The following PXN variants were observed in gnomAD, a reference collection of about 807,000 sequenced individuals.
PXN encodes the protein testicular tissue protein Li 134.
In PXN, 61 loss-of-function variants were observed where a neutral mutation model predicts 103.6. That is an observed-to-expected ratio of 0.59 (90% CI 0.48 to 0.73). The LOEUF is 0.73. PXN is among the 30% of genes least tolerant of loss of function. The probability of loss-of-function intolerance (pLI) is 0.00; values close to 1 mark genes in which losing one functional copy is unlikely to be tolerated. For missense variants in PXN, 1,274 were observed against 1,460.3 expected, an observed-to-expected ratio of 0.87 and a Z score of 2.08; for synonymous variants, 562 against 607.8, an observed-to-expected ratio of 0.92 and a Z score of 1.11.
intron 1 of PXN, chr12:120,226,190 T>C: frequency 8.2e-7 from 1 of 1,226,246 alleles, no homozygotes; most frequent in South Asian, 1.4e-5. Flanking sequence ...TCATTTCCTC[T>C]GGGCCCAATC....
Position 120,215,782 on chromosome 12 carries a change from G to T in PXN, c.2302-121C>A. ...AGATCTGAGGGTTTCTCCCCCACCG[G>T]CAGGACCAAAATTGGGGGAAAAAAT... On this transcript the variant is annotated intron_variant, in intron 9 of 14. Coordinates refer to ENST00000637617, the MANE Select transcript of PXN (RefSeq NM_001385981.1). The surrounding 1 kb of genome is among the most constrained non-coding windows in gnomAD (Gnocchi z 4.9). The T allele has an allele frequency of 1.6e-6, 2 of 1,284,698 alleles. No individual in the cohort carries two copies. Among genetic ancestry groups the T allele is most frequent in the Non-Finnish European group, 2.0e-6 (2 of 977,042 alleles). 79.6% of individuals were successfully genotyped at this position (1,284,698 alleles called of 1,614,324 possible).
rs554748398 is a variant in PXN at position 120,223,844 on chromosome 12, G to A, written c.241-11C>T. On this transcript the variant is annotated splice_polypyrimidine_tract_variant and intron_variant, in intron 2 of 14. Transcript: ENST00000637617. ...TGATGAGGACTGAGGCTGCGAGAAG[G>A]AGAATGCTCAGAGGCTACCCCGAGG... The A allele has an allele frequency of 1.3e-6, 2 of 1,568,340 alleles. No individual in the cohort carries two copies. Among genetic ancestry groups the A allele is most frequent in the African/African-American group, 1.3e-5 (1 of 74,092 alleles).
chr12:120,246,514 C>CAAAAAAAAAAAAA (rs139689226), intron 1 of PXN, among the ~76,000 whole-genome samples: 2 of 58,304 alleles, frequency 3.4e-5, no homozygotes, highest in Non-Finnish European at 3.7e-5. Flanking sequence ...GACTCTGTCT[C>CAAAAAAAAAAAAA]AAAAAAAAAA....
Position 120,224,239 on chromosome 12 carries a change from G to T in PXN, c.152C>A (p.Pro51Gln), listed in dbSNP as rs767722707. Residue 51 changes from proline (P) to glutamine (Q), a missense_variant, in exon 2 of 15, where the codon CCA becomes CAA. Coordinates refer to ENST00000637617, the MANE Select transcript of PXN (RefSeq NM_001385981.1). The surrounding 1 kb of genome is among the most constrained non-coding windows in gnomAD (Gnocchi z 5.0). The stretch of plus-strand genomic sequence containing the variant: ...ATTGAGGGCCTCGCTGGACGGGGGT[G>T]GGGGGACGGGGGGTGGCACGGCAAT... ...QEIAVPPPVP[P>Q]PPSSEALNGT... The T allele has an allele frequency of 5.0e-6, 8 of 1,611,464 alleles. No homozygotes were observed. In the East Asian group the frequency reaches 1.6e-4, roughly 31 times the overall value.
chr12:120,251,826 T>TAAAC (rs527641628), intron 1 of PXN, among the ~76,000 whole-genome samples: 1 of 151,812 alleles, frequency 6.6e-6, no homozygotes, highest in Non-Finnish European at 1.5e-5. Context: ...CAAAAATAAA[T>TAAAC]AAACAAACAA....
chr12:120,213,999 CG>C lies in PXN; in HGVS notation c.2831-10del. On this transcript the variant is annotated splice_polypyrimidine_tract_variant and intron_variant, in intron 13 of 14. Coordinates refer to ENST00000637617, the MANE Select transcript of PXN (RefSeq NM_001385981.1). This position sits in a 1 kb window ranked among gnomAD's most constrained non-coding sequence, Gnocchi z 4.2. ...GTCCTTCTCGTGGAACCCTGGGGAG[CG>C]GGGGTTTTGGAGGCACAGTTCATTC... 1 of 1,610,922 alleles carries C rather than the reference CG, an allele frequency of 6.2e-7. No individual in the cohort carries two copies.
Position 120,224,376 on chromosome 12 carries a change from G to A in PXN, c.15C>T (p.Asp5=), listed in dbSNP as rs200236405. 250 of 1,612,822 alleles carry A rather than the reference G, an allele frequency of 1.6e-4. No homozygotes were observed. Among genetic ancestry groups the A allele is most frequent in the South Asian group, 3.1e-4 (28 of 91,076 alleles). Residue 5 remains aspartate (D), a splice_region_variant and synonymous_variant, in exon 2 of 15, where the codon GAC becomes GAT. Transcript: ENST00000637617. This position sits in a 1 kb window ranked among gnomAD's most constrained non-coding sequence, Gnocchi z 5.0. MDDL[D]ALLADLESTT... ...TAGACTCCAAGTCCGCCAGCAGGGC[G>A]TCTGCAAAGAGAAGGCACGGGTAGC...
At chr12:120,263,445 C>T (rs1240650945) in intron 1 of PXN, among the ~76,000 whole-genome samples, 1 of 152,128 alleles carries the variant, frequency 6.6e-6, no homozygotes, top group Non-Finnish European at 1.5e-5. Flanking sequence ...CAGTGGCAAC[C>T]CCTCCTTCAA....
At chr12:120,254,844 C>T (rs577545752) in intron 1 of PXN, among the ~76,000 whole-genome samples, 2 of 152,244 alleles carry the variant, frequency 1.3e-5, no homozygotes, top group African/African-American at 2.4e-5. Context: ...CCACAATGCC[C>T]GGCCTAAGGT....
chr12:120,244,403 T>C (rs1016713588), intron 1 of PXN, among the ~76,000 whole-genome samples: 3 of 151,606 alleles, frequency 2.0e-5, no homozygotes, highest in Non-Finnish European at 4.4e-5. Context: ...TCCCAGCACT[T>C]TGGGAGGCCG....
intron 1 of PXN, among the ~76,000 whole-genome samples, chr12:120,250,811 C>T (rs1892024741): frequency 6.6e-6 from 1 of 152,094 alleles, no homozygotes; most frequent in South Asian, 2.1e-4. Flanking sequence ...CAGATTCTTC[C>T]CCCAGGCCTA....
Position 120,215,393 on chromosome 12 carries a change from C to G in PXN, c.2404-120G>C, listed in dbSNP as rs1401686625. 6.9e-7 allele frequency: 1 copy of G among 1,457,766 alleles called. No individual in the cohort carries two copies. The highest frequency in any genetic ancestry group is 2.5e-5 in the East Asian group (1 of 40,024). The allele number at this position is 1,457,766 out of a possible 1,614,324, so 90.3% of individuals were successfully genotyped here. ...GATGAGCTGATGGAGACAAGAAGTA[C>G]AACCTCCTCCAGGGGCCAGGAGCCC... On this transcript the variant is annotated intron_variant, in intron 10 of 14. Transcript: ENST00000637617. The surrounding 1 kb of genome is among the most constrained non-coding windows in gnomAD (Gnocchi z 4.9).
intron 1 of PXN, among the ~76,000 whole-genome samples, chr12:120,241,832 G>A (rs1288729432): frequency 1.3e-5 from 2 of 152,236 alleles, no homozygotes; most frequent in African/African-American, 4.8e-5. Flanking sequence ...CAGCGGAACA[G>A]CAGGACCAGG....
chr12:120,214,297 A>T lies in PXN; in HGVS notation c.2749-80T>A. The T allele has an allele frequency of 8.0e-7, 1 of 1,256,170 alleles. No individual in the cohort carries two copies. Among genetic ancestry groups the T allele is most frequent in the South Asian group, 1.3e-5 (1 of 77,960 alleles). 77.8% of individuals were successfully genotyped at this position (1,256,170 alleles called of 1,614,324 possible). Reference sequence around the variant, plus strand: ...AGACGCCCAGCAAGGCCGTCCTTCCACCCGCAGCTCATAGCCATAGACAGA... The same window carrying T: ...AGACGCCCAGCAAGGCCGTCCTTCCTCCCGCAGCTCATAGCCATAGACAGA... On this transcript the variant is annotated intron_variant, in intron 12 of 14. Coordinates refer to ENST00000637617, the MANE Select transcript of PXN (RefSeq NM_001385981.1). This position sits in a 1 kb window ranked among gnomAD's most constrained non-coding sequence, Gnocchi z 5.0.
At position 120,211,847 on chromosome 12, in the gene PXN, C is replaced by T. The variant is rs10128770; in HGVS notation, c.*467G>A. On this transcript the variant is annotated 3_prime_UTR_variant, in exon 15 of 15. Transcript: ENST00000637617. Reference sequence around the variant, plus strand: ...ATGGATGGATTTATGCTGGCATTGTCTGGAGGGAGCCGGGTGTCCCCCAAT... The same window carrying T: ...ATGGATGGATTTATGCTGGCATTGTTTGGAGGGAGCCGGGTGTCCCCCAAT... The T allele has an allele frequency of 6.7e-4, 324 of 484,304 alleles. 1 individual carries two copies. The highest frequency in any genetic ancestry group is 1.2e-3 in the Non-Finnish European group (285 of 242,230). The allele number at this position is 484,304 out of a possible 1,614,324, so 30.0% of individuals were successfully genotyped here.
chr12:120,245,295 T>G (rs1890874291), intron 1 of PXN, among the ~76,000 whole-genome samples: 1 of 152,026 alleles, frequency 6.6e-6, no homozygotes, highest in Non-Finnish European at 1.5e-5. Flanking sequence ...CAGCATCGAT[T>G]ATCATGACTG....
At chr12:120,237,795 G>A (rs1889374774) in intron 1 of PXN, among the ~76,000 whole-genome samples, 1 of 152,168 alleles carries the variant, frequency 6.6e-6, no homozygotes, top group African/African-American at 2.4e-5. Context: ...GACAGCTGGC[G>A]TCCCCACAGA....
At chr12:120,236,691 G>A (rs911412746) in intron 1 of PXN, among the ~76,000 whole-genome samples, 1 of 152,062 alleles carries the variant, frequency 6.6e-6, no homozygotes, top group Non-Finnish European at 1.5e-5. Flanking sequence ...TGGCCAGGCT[G>A]GTCTTGAACT....
chr12:120,262,516 T>G (rs1367125708), intron 1 of PXN, among the ~76,000 whole-genome samples: 1 of 152,182 alleles, frequency 6.6e-6, no homozygotes, highest in Non-Finnish European at 1.5e-5. Context: ...GCACTACCAC[T>G]AAACTTCCCT....
Sources: gnomAD v4.1 joint callset for allele counts (sites outside exome capture counted in the v4.1 genomes callset) on GRCh38, gnomAD v4.1.1 for gene constraint, Gnocchi (gnomAD v3.1) non-coding constraint, MANE v1.5 for transcripts, NCBI Gene and HGNC (gene_info 2026-07-23, HGNC 2026-07-21) for gene names.